The following ZNF468 variants were observed in gnomAD, a reference collection of about 807,000 sequenced individuals.
The protein encoded by ZNF468 is zinc finger protein 468, also known as zinc finger protein ZNF468.
A neutral mutation model predicts 7.2 loss-of-function variants in ZNF468; 8 were observed. The observed-to-expected ratio is 1.11, with a 90% CI of 0.65 to 2.01. The LOEUF (loss-of-function observed/expected upper bound fraction) is 2.01, where lower values mean the gene tolerates loss of function less well. Among genes scored for constraint, ZNF468 ranks in the 30% most tolerant of loss-of-function variants. ZNF468 has a pLI of 0.00. For synonymous variants in ZNF468, 218 were observed against 214.4 expected, an observed-to-expected ratio of 1.02 and a Z score of -0.15; for missense variants, 608 against 626.5, an observed-to-expected ratio of 0.97 and a Z score of 0.31.
intron 2 of ZNF468, among the ~76,000 whole-genome samples, chr19:52,850,880 CAG>C (rs1600529214): frequency 6.7e-6 from 1 of 150,118 alleles, no homozygotes; most frequent in Non-Finnish European, 1.5e-5. Flanking sequence ...GCCTGGGCGA[CAG>C]AGCGAGACTC....
chr19:52,839,871 T>A lies in ZNF468; in HGVS notation c.*854A>T. On this transcript the variant is annotated 3_prime_UTR_variant, in exon 4 of 4. Coordinates refer to ENST00000595646, the MANE Select transcript of ZNF468 (RefSeq NM_001008801.2). ...AAATTTGCCACATTTATTACACTTG[T>A]AAGATCTCTTCACTGTGGATTCTCC... 1.4e-6 allele frequency: 1 copy of A among 727,528 alleles called. No individual in the cohort carries two copies. The highest frequency in any genetic ancestry group is 2.2e-6 in the Non-Finnish European group (1 of 449,064). 45.1% of individuals were successfully genotyped at this position (727,528 alleles called of 1,614,324 possible). A position where few individuals can be genotyped will look rare whatever the true frequency, so the allele number is the denominator to read the frequency against.
intron 2 of ZNF468, chr19:52,849,455 CAAAT>C: frequency 5.1e-6 from 4 of 784,120 alleles, no homozygotes; most frequent in Middle Eastern, 4.2e-4. Flanking sequence ...CAGAAATAAA[CAAAT>C]AAAAAATCAA....
chr19:52,850,232 T>C (rs150954493), intron 2 of ZNF468, among the ~76,000 whole-genome samples: 95 of 152,242 alleles, frequency 6.2e-4, no homozygotes, highest in African/African-American at 2.2e-3. Context: ...TTGGCAGTTG[T>C]GGGCAGGGGG....
chr19:52,850,918 A>AATAT (rs553797456), intron 2 of ZNF468, among the ~76,000 whole-genome samples: 2,739 of 148,904 alleles, frequency 0.018, 77 homozygotes, highest in African/African-American at 0.064. Flanking sequence ...AATAATAATA[A>AATAT]ATATATATAT....
At chr19:52,851,894 A>G (rs2063392990) in intron 2 of ZNF468, among the ~76,000 whole-genome samples, 1 of 152,152 alleles carries the variant, frequency 6.6e-6, no homozygotes, top group Non-Finnish European at 1.5e-5. Context: ...TTCAAAATAT[A>G]TGTGTTTGTA....
intron 1 of ZNF468, among the ~76,000 whole-genome samples, chr19:52,857,270 G>C (rs1423101421): frequency 1.3e-5 from 2 of 152,216 alleles, no homozygotes; most frequent in Non-Finnish European, 2.9e-5. Flanking sequence ...TACACCTCTA[G>C]GGTGAGGACT....
intron 1 of ZNF468, among the ~76,000 whole-genome samples, chr19:52,855,292 G>A (rs1032300608): frequency 6.6e-6 from 1 of 152,196 alleles, no homozygotes; most frequent in African/African-American, 2.4e-5. Context: ...GGGAGGGCAT[G>A]GGAGACAGCT....
chr19:52,844,486 G>C (rs1345145618), intron 3 of ZNF468, among the ~76,000 whole-genome samples: 2 of 152,020 alleles, frequency 1.3e-5, no homozygotes, highest in African/African-American at 4.8e-5. Context: ...TTTTGAGATG[G>C]AGTCACGCTC....
intron 2 of ZNF468, among the ~76,000 whole-genome samples, chr19:52,849,897 C>T (rs987743021): frequency 4.0e-5 from 6 of 151,788 alleles, no homozygotes; most frequent in African/African-American, 1.2e-4. Flanking sequence ...AGCAAGACCC[C>T]GTCTCAAAAT....
chr19:52,855,243 C>G (rs11670498), intron 1 of ZNF468, among the ~76,000 whole-genome samples: 6,683 of 122,694 alleles, frequency 0.054, 199 homozygotes, highest in South Asian at 0.09. Context: ...TGAGTAATGC[C>G]ATAGACACTG....
Position 52,838,336 on chromosome 19 carries a change from C to G in ZNF468, c.*2389G>C, listed in dbSNP as rs2063265614. ...ATAGAAATCCCACACAAAATAGATA[C>G]AGAAGAAAATTTACCTCAGCAATAC... On this transcript the variant is annotated 3_prime_UTR_variant, in exon 4 of 4. Transcript: ENST00000595646. 6.6e-6 allele frequency: 1 copy of G among 152,094 alleles called. No individual in the cohort carries two copies. The highest frequency in any genetic ancestry group is 1.5e-5 in the Non-Finnish European group (1 of 68,010). The allele number at this position is 152,094 out of a possible 1,614,324, so 9.4% of individuals were successfully genotyped here.
chr19:52,851,506 G>A (rs2063389792), intron 2 of ZNF468, among the ~76,000 whole-genome samples: 1 of 152,118 alleles, frequency 6.6e-6, no homozygotes, highest in Non-Finnish European at 1.5e-5. Flanking sequence ...GAACTGGGAA[G>A]GCAGAGGTTG....
At position 52,840,653 on chromosome 19, in the gene ZNF468, C is replaced by G. The variant is rs1227738293; in HGVS notation, c.*72G>C. The stretch of plus-strand genomic sequence containing the variant: ...CATTCATTATGCTTGTAAGGTTTCT[C>G]TCCAGTATGAATTGCCTTATGACTT... On this transcript the variant is annotated 3_prime_UTR_variant, in exon 4 of 4. Transcript: ENST00000595646. The G allele has an allele frequency of 1.2e-6, 2 of 1,607,334 alleles. No homozygotes were observed. The highest frequency in any genetic ancestry group is 1.7e-5 in the Admixed American group (1 of 59,952).
chr19:52,840,466 T>A lies in ZNF468; in HGVS notation c.*259A>T. The A allele has an allele frequency of 1.3e-6, 1 of 754,344 alleles. No homozygotes were observed. Among genetic ancestry groups the A allele is most frequent in the Non-Finnish European group, 2.2e-6 (1 of 454,762 alleles). The allele number at this position is 754,344 out of a possible 1,614,324, so 46.7% of individuals were successfully genotyped here. On this transcript the variant is annotated 3_prime_UTR_variant, in exon 4 of 4. Transcript: ENST00000595646. ...TATGCAAAAACCTTGTCACAAACCT[T>A]ACCTCTGTATGGTTTCTCTTCAATG...
intron 2 of ZNF468, among the ~76,000 whole-genome samples, chr19:52,851,406 C>T (rs913886257): frequency 2.6e-5 from 4 of 152,066 alleles, no homozygotes; most frequent in African/African-American, 7.2e-5. Context: ...GAAACCCTGT[C>T]GCTACTGAAA....
rs774469813 is a variant in ZNF468, at chr19:52,841,916, A to G, written c.378T>C (p.His126=). 10 of 1,613,970 alleles carry G rather than the reference A, an allele frequency of 6.2e-6. No individual in the cohort carries two copies. The highest frequency in any genetic ancestry group is 7.6e-6 in the Non-Finnish European group (9 of 1,180,002). ...GCTTGTTTCCAGCATGCCTTTGATC[A>G]TGTTGGCCTGTACTACCAGCCAACT... ...IKELAGSTGQ[H]DQRHAGNKRI... The change falls in exon 4 of 4, where the codon CAT becomes CAC. Residue 126 remains histidine, a synonymous_variant. Transcript: ENST00000595646.
intron 2 of ZNF468, among the ~76,000 whole-genome samples, chr19:52,852,747 T>C (rs1156627995): frequency 6.6e-6 from 1 of 151,982 alleles, no homozygotes; most frequent in African/African-American, 2.4e-5. Context: ...AGTGATGAAA[T>C]AATTGGTACA....
At chr19:52,844,578 G>A (rs1201677567) in intron 3 of ZNF468, among the ~76,000 whole-genome samples, 5 of 152,038 alleles carry the variant, frequency 3.3e-5, no homozygotes, top group Non-Finnish European at 7.4e-5. Flanking sequence ...TCACTCTGTT[G>A]CCAAGTCTGG....
chr19:52,848,524 CTG>C (rs1345532601), intron 3 of ZNF468, among the ~76,000 whole-genome samples: 7 of 152,244 alleles, frequency 4.6e-5, no homozygotes, highest in African/African-American at 1.7e-4. Flanking sequence ...AAACAGGAAA[CTG>C]GATATCTTTA....
Sources: gnomAD v4.1 joint callset for allele counts (sites outside exome capture counted in the v4.1 genomes callset) on GRCh38, gnomAD v4.1.1 for gene constraint, MANE v1.5 for transcripts, NCBI Gene and HGNC (gene_info 2026-07-23, HGNC 2026-07-21) for gene names.